Variants in NKAIN2 observed in about 807,000 individuals in gnomAD.
NKAIN2 encodes the protein sodium/potassium-transporting ATPase subunit beta-1-interacting protein 2.
A neutral mutation model predicts 32.6 loss-of-function variants in NKAIN2; 14 were observed. The observed-to-expected ratio is 0.43, with a 90% CI of 0.28 to 0.67. The LOEUF is 0.67. NKAIN2 is among the 30% of genes least tolerant of loss of function. The pLI, the probability that NKAIN2 is intolerant of heterozygous loss-of-function variation, is 0.17. For synonymous variants in NKAIN2, 80 were observed against 87.2 expected (o/e 0.92, Z 0.46); for missense variants, 198 against 258.3 (o/e 0.77, Z 1.60).
intron 1 of NKAIN2, among the ~76,000 whole-genome samples, chr6:124,190,518 T>C (rs1582819679): frequency 6.6e-6 from 1 of 152,362 alleles, no homozygotes; most frequent in South Asian, 2.1e-4. Flanking sequence ...TGAAGACGTT[T>C]GTTGGAAGGA....
At chr6:123,976,396 T>TTC (rs1278178109) in intron 1 of NKAIN2, among the ~76,000 whole-genome samples, 1 of 51,458 alleles carries the variant, frequency 1.9e-5, no homozygotes, top group African/African-American at 7.1e-5. Context: ...TATATATATA[T>TTC]ATATATATAT....
intron 1 of NKAIN2, among the ~76,000 whole-genome samples, chr6:124,036,269 G>A (rs1562321703): frequency 6.6e-6 from 1 of 152,084 alleles, no homozygotes; most frequent in Non-Finnish European, 1.5e-5. Flanking sequence ...TTACAAACTT[G>A]TGTGGCATTT....
At chr6:123,997,188 G>A (rs1779654695) in intron 1 of NKAIN2, among the ~76,000 whole-genome samples, 1 of 152,140 alleles carries the variant, frequency 6.6e-6, no homozygotes, top group Non-Finnish European at 1.5e-5. Context: ...ATTTTAGGCT[G>A]ATATGTTTTT....
chr6:124,325,728 G>A (rs1156456859), intron 2 of NKAIN2, among the ~76,000 whole-genome samples: 1 of 152,048 alleles, frequency 6.6e-6, no homozygotes, highest in Non-Finnish European at 1.5e-5. Context: ...GGTCTTCTCA[G>A]GTTATGGTGA....
chr6:124,510,163 ATAATAT>A (rs1778656571), intron 3 of NKAIN2, among the ~76,000 whole-genome samples: 2 of 150,632 alleles, frequency 1.3e-5, no homozygotes, highest in African/African-American at 4.8e-5. Flanking sequence ...AAAAAAAAAG[ATAATAT>A]TTATTTTTAC....
chr6:124,408,468 G>T (rs953649785), intron 3 of NKAIN2, among the ~76,000 whole-genome samples: 18 of 152,258 alleles, frequency 1.2e-4, no homozygotes, highest in South Asian at 4.1e-4. Context: ...TTTCCCCATT[G>T]TTTGTTTTTG....
chr6:123,834,930 G>A (rs1280975727), intron 1 of NKAIN2, among the ~76,000 whole-genome samples: 1 of 152,126 alleles, frequency 6.6e-6, no homozygotes, highest in Non-Finnish European at 1.5e-5. Context: ...CTTGGTTGTG[G>A]TGTATAATTC....
chr6:124,648,210 G>A (rs2114385729), intron 3 of NKAIN2, among the ~76,000 whole-genome samples: 1 of 152,302 alleles, frequency 6.6e-6, no homozygotes, highest in African/African-American at 2.4e-5. Context: ...GGGGAAGTTG[G>A]TGAATGTGTT....
rs548494542 is a variant in NKAIN2, at chr6:124,078,227, T to A, written c.55-204778T>A. Among the ~76,000 whole-genome samples, 5 of 152,338 alleles carry A rather than the reference T, an allele frequency of 3.3e-5. No homozygotes were observed. The East Asian group carries it at 9.7e-4, about 29-fold the overall frequency. On this transcript the variant is annotated intron_variant, in intron 1 of 6. Transcript: ENST00000368417. Reference sequence around the variant, plus strand: ...CCATATGTAATGTAGTGTTTCTGCATGAATGGACTATTCTTTGTATTTTTA... The same window carrying A: ...CCATATGTAATGTAGTGTTTCTGCAAGAATGGACTATTCTTTGTATTTTTA...
rs9784819 is a variant in NKAIN2, at chr6:123,964,004, A to G, written c.54+159750A>G. 0.011 allele frequency among the ~76,000 whole-genome samples: 1,653 copies of G among 152,244 alleles called. 28 individuals are homozygous for G. Among genetic ancestry groups the G allele is most frequent in the African/African-American group, 0.037 (1,525 of 41,532 alleles). ...TATTATAGAGGCCAAACATTGTTCT[A>G]TCTTTGCCTTTATAGCATATTGTTG... is the stretch of plus-strand genomic sequence containing the variant. On this transcript the variant is annotated intron_variant, in intron 1 of 6. Transcript: ENST00000368417. The surrounding 1 kb of genome is among the most constrained non-coding windows in gnomAD (Gnocchi z 4.0).
intron 1 of NKAIN2, among the ~76,000 whole-genome samples, chr6:124,056,782 C>T (rs75898274): frequency 0.019 from 2,935 of 151,920 alleles, 102 homozygotes; most frequent in African/African-American, 0.067. Context: ...GCCTCTCAAA[C>T]GGTCGCACAA....
intron 1 of NKAIN2, among the ~76,000 whole-genome samples, chr6:124,003,029 G>A (rs1779939628): frequency 6.6e-6 from 1 of 152,156 alleles, no homozygotes; most frequent in Non-Finnish European, 1.5e-5. Context: ...CCCTCCCACG[G>A]CATCCCTTTC....
rs111927743 is a variant in NKAIN2 at position 124,599,475 on chromosome 6, G to A, written c.274-58711G>A. Among the ~76,000 whole-genome samples, 489 of 152,168 alleles carry A rather than the reference G, an allele frequency of 3.2e-3. 1 individual carries two copies. Among genetic ancestry groups the A allele is most frequent in the Non-Finnish European group, 4.9e-3 (331 of 67,992 alleles). On this transcript the variant is annotated intron_variant, in intron 3 of 6. Transcript: ENST00000368417. ...TGAGATTCCACAGAAATCACCTGCT[G>A]AAAAAGAGCACACCGTGCTGAAGCT...
intron 1 of NKAIN2, among the ~76,000 whole-genome samples, chr6:123,902,746 G>C (rs896561879): frequency 2.0e-5 from 3 of 152,078 alleles, no homozygotes. Context: ...ATTCTTCAGT[G>C]GTATTCAGGA....
chr6:124,359,031 T>A (rs1799138085), intron 3 of NKAIN2, among the ~76,000 whole-genome samples: 2 of 151,972 alleles, frequency 1.3e-5, no homozygotes, highest in Non-Finnish European at 2.9e-5. Context: ...AAATAGGGAA[T>A]CCTTTCCCCA....
chr6:124,235,608 T>G (rs543926517), intron 1 of NKAIN2, among the ~76,000 whole-genome samples: 23 of 151,800 alleles, frequency 1.5e-4, no homozygotes, highest in Non-Finnish European at 3.1e-4. Context: ...TGTTGTTTTT[T>G]TTTTTCCTGA....
chr6:123,938,451 T>TACACACACAC (rs1359472284), intron 1 of NKAIN2, among the ~76,000 whole-genome samples: 1 of 81,296 alleles, frequency 1.2e-5, no homozygotes, highest in Admixed American at 1.3e-4. Context: ...TATATATATA[T>TACACACACAC]ACACACACAC....
At chr6:124,713,030 G>A (rs1301845589) in intron 4 of NKAIN2, among the ~76,000 whole-genome samples, 1 of 151,922 alleles carries the variant, frequency 6.6e-6, no homozygotes, top group Non-Finnish European at 1.5e-5. Flanking sequence ...TGAAAGGAGA[G>A]CATAACTAAT....
At chr6:124,501,014 A>G (rs79960215) in intron 3 of NKAIN2, among the ~76,000 whole-genome samples, 4,507 of 152,312 alleles carry the variant, frequency 0.03, 198 homozygotes, top group African/African-American at 0.1. Flanking sequence ...AACTTCTTTA[A>G]CAAGCAGTGC....
Sources: gnomAD v4.1 joint callset for allele counts (sites outside exome capture counted in the v4.1 genomes callset) on GRCh38, gnomAD v4.1.1 for gene constraint, Gnocchi (gnomAD v3.1) non-coding constraint, MANE v1.5 for transcripts, NCBI Gene and HGNC (gene_info 2026-07-23, HGNC 2026-07-21) for gene names.